Variants in MTIF2 observed in about 807,000 individuals in gnomAD.
The protein encoded by MTIF2 is translation initiation factor IF-2, mitochondrial.
A neutral mutation model predicts 83.5 loss-of-function variants in MTIF2; 71 were observed. The ratio of observed to expected loss-of-function variants is 0.85; its 90% confidence interval spans 0.70 to 1.04. The LOEUF (loss-of-function observed/expected upper bound fraction) is 1.04, where lower values mean the gene tolerates loss of function less well. Ranked by LOEUF, MTIF2 falls within the 50% of genes least tolerant of loss-of-function variation. MTIF2 has a pLI of 0.00. For missense variants in MTIF2, 957 were observed against 846.5 expected (o/e 1.13, Z -1.62); for synonymous variants, 319 against 287.1 (o/e 1.11, Z -1.12).
chr2:55,241,190 G>C (rs1573854533), intron 13 of MTIF2, among the ~76,000 whole-genome samples: 1 of 151,558 alleles, frequency 6.6e-6, no homozygotes, highest in Non-Finnish European at 1.5e-5. Context: ...GGCCGAGGTG[G>C]GTGGATCACC....
At chr2:55,257,759 A>T (rs1194741391) in intron 5 of MTIF2, among the ~76,000 whole-genome samples, 1 of 152,198 alleles carries the variant, frequency 6.6e-6, no homozygotes, top group East Asian at 1.9e-4. Context: ...TGTAAAATGC[A>T]ATAAAATAAC....
chr2:55,243,484 T>C lies in MTIF2; in HGVS notation c.1496A>G (p.Glu499Gly). ...CTCTTTTGGCTTTAAGGGTATTTGT[T>C]CTTTTCTTTCTAAAAACCGTAGAAT... ...RSILRFLERK[E>G]QIPLKPKEKR... The change falls in exon 12 of 16, where the codon GAA becomes GGA. Residue 499 changes from glutamate to glycine, a missense_variant. Coordinates refer to ENST00000263629, the MANE Select transcript of MTIF2 (RefSeq NM_002453.3). 1 of 1,614,076 alleles carries C rather than the reference T, an allele frequency of 6.2e-7. No homozygotes were observed. Among genetic ancestry groups the C allele is most frequent in the Non-Finnish European group, 8.5e-7 (1 of 1,179,940 alleles).
intron 8 of MTIF2, 116 bp downstream of exon 8, chr2:55,252,361 T>A (rs759618170): frequency 4.7e-6 from 4 of 846,476 alleles, no homozygotes; most frequent in Non-Finnish European, 7.5e-6. Flanking sequence ...TTGAGGCTTA[T>A]CTGTAATACA....
At chr2:55,251,950 G>A (rs1224835509) in intron 8 of MTIF2, among the ~76,000 whole-genome samples, 2 of 152,108 alleles carry the variant, frequency 1.3e-5, no homozygotes, top group Non-Finnish European at 2.9e-5. Flanking sequence ...ACATGTGTGG[G>A]TATTTATTAT....
chr2:55,246,244 C>T, intron 10 of MTIF2, 93 bp downstream of exon 10: 1 of 1,279,196 alleles, frequency 7.8e-7, no homozygotes, highest in Non-Finnish European at 1.0e-6. Flanking sequence ...CATGAACTAA[C>T]AATAACATGT....
In MTIF2 at chr2:55,237,532, C is replaced by G. The variant is rs1675945586; in HGVS notation, c.1871-104G>C. 4 of 1,062,526 alleles carry G rather than the reference C, an allele frequency of 3.8e-6. No individual in the cohort carries two copies. In the East Asian group the frequency reaches 8.9e-5, roughly 24 times the overall value. 65.8% of individuals were successfully genotyped at this position (1,062,526 alleles called of 1,614,324 possible). ...AAGAATTAAAGGTATGACAAAAATC[C>G]AAATTCATGCCTAGAAAAAAGTCTG... On this transcript the variant is annotated intron_variant, in intron 14 of 15. Coordinates refer to ENST00000263629, the MANE Select transcript of MTIF2 (RefSeq NM_002453.3).
intron 3 of MTIF2, among the ~76,000 whole-genome samples, chr2:55,266,132 A>C (rs1678409406): frequency 6.6e-6 from 1 of 152,126 alleles, no homozygotes; most frequent in African/African-American, 2.4e-5. Context: ...ATTCTTCAGC[A>C]TTACAAAAAA....
chr2:55,255,059 TG>T (rs1472036644), intron 5 of MTIF2, among the ~76,000 whole-genome samples: 2 of 152,076 alleles, frequency 1.3e-5, no homozygotes, highest in Non-Finnish European at 2.9e-5. Flanking sequence ...TGAATATTTA[TG>T]TATTCTAAGC....
chr2:55,241,277 G>T (rs956307779), intron 13 of MTIF2, among the ~76,000 whole-genome samples: 1 of 151,610 alleles, frequency 6.6e-6, no homozygotes, highest in African/African-American at 2.4e-5. Context: ...AATTAGCCAG[G>T]CATGGTGGCA....
intron 14 of MTIF2, among the ~76,000 whole-genome samples, chr2:55,238,544 A>T (rs1179719169): frequency 1.3e-5 from 2 of 152,110 alleles, no homozygotes; most frequent in East Asian, 3.9e-4. Context: ...GGAATGCGCC[A>T]CCACGCCTGG....
intron 2 of MTIF2, among the ~76,000 whole-genome samples, chr2:55,268,218 A>T (rs894210355): frequency 3.9e-5 from 6 of 151,930 alleles, no homozygotes; most frequent in Non-Finnish European, 7.4e-5. Context: ...AGGCCACTGC[A>T]CTCCAGCCTG....
intron 5 of MTIF2, among the ~76,000 whole-genome samples, chr2:55,255,657 G>C (rs528182700): frequency 6.6e-6 from 1 of 151,384 alleles, no homozygotes; most frequent in African/African-American, 2.4e-5. Flanking sequence ...ACCACATTTA[G>C]GAGCCATTTT....
chr2:55,256,402 A>G (rs1677536700), intron 5 of MTIF2, among the ~76,000 whole-genome samples: 1 of 151,702 alleles, frequency 6.6e-6, no homozygotes, highest in Admixed American at 6.6e-5. Context: ...AAAAGTCTTT[A>G]TTTTTTATTT....
At chr2:55,254,917 C>T in intron 5 of MTIF2, 92 bp from the exon 6 acceptor site, 1 of 636,634 alleles carries the variant, frequency 1.6e-6, no homozygotes, top group Non-Finnish European at 2.3e-6. Flanking sequence ...ACAGTACACT[C>T]AATGAGAGGA....
chr2:55,266,705 A>G (rs1191603555), intron 3 of MTIF2, among the ~76,000 whole-genome samples: 1 of 149,510 alleles, frequency 6.7e-6, no homozygotes, highest in Non-Finnish European at 1.5e-5. Context: ...CAAAGAAATT[A>G]AGGCTCTGGA....
At chr2:55,268,028 G>A (rs549782605) in intron 2 of MTIF2, among the ~76,000 whole-genome samples, 9 of 152,142 alleles carry the variant, frequency 5.9e-5, no homozygotes, top group East Asian at 3.9e-4. Context: ...CGAGGCGGGC[G>A]GATCACCTGA....
chr2:55,243,549 G>T lies in MTIF2; in HGVS notation c.1431C>A (p.Ala477=). The stretch of plus-strand genomic sequence containing the variant: ...ACAGTAGATGGCCATACTTCTCACG[G>T]GCTTTCTGATGTGCTTCTTTGTGTT... ...RKEHKEAHQK[A]REKYGHLLWK... is the part of the protein sequence containing the mutation. The change falls in exon 12 of 16, where the codon GCC becomes GCA. Residue 477 remains alanine (A), a synonymous_variant. Transcript: ENST00000263629. The T allele has an allele frequency of 6.2e-7, 1 of 1,613,918 alleles. No individual in the cohort carries two copies. The highest frequency in any genetic ancestry group is 8.5e-7 in the Non-Finnish European group (1 of 1,179,972).
Position 55,236,667 on chromosome 2 carries a change from G to A in MTIF2, c.2165C>T (p.Ser722Phe). The A allele has an allele frequency of 1.3e-6, 2 of 1,590,182 alleles. No homozygotes were observed. The highest frequency in any genetic ancestry group is 1.7e-6 in the Non-Finnish European group (2 of 1,173,346). ...GTAATTTTAAAATCCTGGATCCCAA[G>A]AAGTCTTGGCTTGAATTTGCTTTTC... is the stretch of plus-strand genomic sequence containing the variant. ...YEEKQIQAKT[S>F]WDPGF Residue 722 changes from serine (S) to phenylalanine (F), a missense_variant, in exon 16 of 16, where the codon TCT (serine) becomes TTT (phenylalanine). Ser to Phe is a radical substitution (Grantham distance 155). Transcript: ENST00000263629.
Position 55,252,526 on chromosome 2 carries a change from T to C in MTIF2, c.792A>G (p.Gly264=), listed in dbSNP as rs1677174364. Residue 264 remains glycine (G), a synonymous_variant, in exon 8 of 16, where the codon GGA becomes GGG. Coordinates refer to ENST00000263629, the MANE Select transcript of MTIF2 (RefSeq NM_002453.3). The stretch of plus-strand genomic sequence containing the variant: ...TAGATTCTACAGTTTGTTTCATCAC[T>C]CCATCATCTGCAGCTACAACCAATA... The part of the protein sequence containing the change: ...IVVLVVAADD[G]VMKQTVESIQ... 6.2e-7 allele frequency: 1 copy of C among 1,614,044 alleles called. No individual in the cohort carries two copies. Among genetic ancestry groups the C allele is most frequent in the Admixed American group, 1.7e-5 (1 of 60,000 alleles).
Sources: allele counts gnomAD v4.1 joint callset (sites outside exome capture counted in the v4.1 genomes callset), GRCh38; gene constraint gnomAD v4.1.1; transcripts MANE v1.5; gene names NCBI Gene and HGNC (gene_info 2026-07-23, HGNC 2026-07-21).